The following SYT1 variants were observed in gnomAD, a reference collection of about 807,000 sequenced individuals.
SYT1 encodes the protein synaptotagmin 1, also known as synaptotagmin-1.
Under a neutral mutation model 44.8 loss-of-function variants are expected in SYT1, and 8 were observed. The observed-to-expected ratio is 0.18, with a 90% CI of 0.10 to 0.32. The LOEUF (loss-of-function observed/expected upper bound fraction) is 0.32, where lower values mean the gene tolerates loss of function less well. Among genes scored for constraint, SYT1 ranks in the 10% least tolerant of loss-of-function variants. The probability of loss-of-function intolerance (pLI) is 1.00; values close to 1 mark genes in which losing one functional copy is unlikely to be tolerated. For missense variants in SYT1, 286 were observed against 509.3 expected (o/e 0.56, Z 4.22); for synonymous variants, 154 against 188.8 (o/e 0.82, Z 1.51).
chr12:79,114,723 C>A (rs566650099), intron 3 of SYT1, among the ~76,000 whole-genome samples: 15 of 152,150 alleles, frequency 9.9e-5, no homozygotes, highest in African/African-American at 3.6e-4. Flanking sequence ...TCTGGCCAGG[C>A]CTATATTGAT....
intron 3 of SYT1, among the ~76,000 whole-genome samples, chr12:79,212,750 A>G (rs1874536868): frequency 6.6e-6 from 1 of 152,204 alleles, no homozygotes; most frequent in Admixed American, 6.5e-5. Context: ...AAAATCATAA[A>G]TACTTCTTCA....
At chr12:79,039,705 C>T (rs1392870990) in intron 2 of SYT1, among the ~76,000 whole-genome samples, 2 of 150,214 alleles carry the variant, frequency 1.3e-5, no homozygotes, top group Non-Finnish European at 3.0e-5. Context: ...ATGTGCCATG[C>T]TGGTGCGCTG....
chr12:79,324,443 TCTC>T (rs1366183317), intron 8 of SYT1, among the ~76,000 whole-genome samples: 2 of 152,068 alleles, frequency 1.3e-5, no homozygotes, highest in African/African-American at 4.8e-5. Context: ...CATTCCCTTT[TCTC>T]CTCTTAACAC....
chr12:78,939,094 G>C (rs1181007975), intron 1 of SYT1, among the ~76,000 whole-genome samples: 1 of 152,058 alleles, frequency 6.6e-6, no homozygotes, highest in Non-Finnish European at 1.5e-5. Flanking sequence ...TATTGCCCAA[G>C]TTCCTACTGC....
intron 10 of SYT1, among the ~76,000 whole-genome samples, chr12:79,444,631 T>G (rs1299831746): frequency 6.6e-6 from 1 of 152,160 alleles, no homozygotes; most frequent in African/African-American, 2.4e-5. Context: ...TGCAGCATAT[T>G]GAGTCTTTAT....
intron 8 of SYT1, among the ~76,000 whole-genome samples, chr12:79,313,567 G>A (rs60739159): frequency 0.02 from 2,872 of 146,472 alleles, 85 homozygotes; most frequent in African/African-American, 0.068. Context: ...GGGTATTTCC[G>A]TAAGCATAGT....
intron 2 of SYT1, among the ~76,000 whole-genome samples, chr12:78,990,100 A>G (rs761954128): frequency 6.6e-6 from 1 of 152,134 alleles, no homozygotes; most frequent in Non-Finnish European, 1.5e-5. Context: ...GGGTTTTTGT[A>G]CCACAATTGA....
intron 1 of SYT1, among the ~76,000 whole-genome samples, chr12:78,901,632 G>T (rs1274130335): frequency 6.6e-6 from 1 of 152,116 alleles, no homozygotes; most frequent in Non-Finnish European, 1.5e-5. Context: ...AATTTGAAGA[G>T]ATAATTTGCT....
intron 3 of SYT1, among the ~76,000 whole-genome samples, chr12:79,105,198 T>C (rs569964615): frequency 5.3e-5 from 8 of 152,310 alleles, no homozygotes; most frequent in Admixed American, 2.0e-4. Flanking sequence ...TTGACCACAT[T>C]ATCTATTTTT....
chr12:79,020,730 A>G (rs1413171117), intron 2 of SYT1, among the ~76,000 whole-genome samples: 1 of 151,896 alleles, frequency 6.6e-6, no homozygotes, highest in African/African-American at 2.4e-5. Flanking sequence ...CTCTGGAAAG[A>G]AAGCACTTTG....
At chr12:79,212,075 G>T (rs1268189771) in intron 3 of SYT1, among the ~76,000 whole-genome samples, 1 of 152,068 alleles carries the variant, frequency 6.6e-6, no homozygotes, top group Non-Finnish European at 1.5e-5. Flanking sequence ...AATTGTTTGT[G>T]CTGCTATTTA....
At chr12:79,266,226 A>C (rs1049277330) in intron 4 of SYT1, among the ~76,000 whole-genome samples, 3 of 152,214 alleles carry the variant, frequency 2.0e-5, no homozygotes, top group Admixed American at 2.0e-4. Flanking sequence ...CTCTTCAGGT[A>C]GCCTCCCCCA....
At chr12:78,999,437 C>G (rs1870589809) in intron 2 of SYT1, among the ~76,000 whole-genome samples, 1 of 152,088 alleles carries the variant, frequency 6.6e-6, no homozygotes, top group Non-Finnish European at 1.5e-5. Flanking sequence ...TGACCAAAAC[C>G]AGGATAACCA....
At chr12:79,050,262 A>T (rs2137784549) in intron 3 of SYT1, among the ~76,000 whole-genome samples, 1 of 152,188 alleles carries the variant, frequency 6.6e-6, no homozygotes, top group East Asian at 1.9e-4. Context: ...GTGGAAGTGG[A>T]TCATCATAAA....
At chr12:78,940,673 A>G (rs569417553) in intron 1 of SYT1, among the ~76,000 whole-genome samples, 5 of 152,108 alleles carry the variant, frequency 3.3e-5, no homozygotes, top group Admixed American at 1.3e-4. Context: ...CCAGCATGAA[A>G]CACTGCACCT....
chr12:79,410,488 C>T (rs1352127800), intron 9 of SYT1, among the ~76,000 whole-genome samples: 1 of 118,812 alleles, frequency 8.4e-6, no homozygotes, highest in South Asian at 3.2e-4. Flanking sequence ...AAAACCATGG[C>T]TTCAGGCTGT....
chr12:79,028,415 A>G (rs1235091130), intron 2 of SYT1, among the ~76,000 whole-genome samples: 1 of 151,486 alleles, frequency 6.6e-6, no homozygotes, highest in Non-Finnish European at 1.5e-5. Context: ...ATAAAGGAAT[A>G]TTGATAGAGC....
At chr12:79,377,538 A>G (rs573417070) in intron 9 of SYT1, among the ~76,000 whole-genome samples, 2 of 152,336 alleles carry the variant, frequency 1.3e-5, no homozygotes, top group South Asian at 4.1e-4. Flanking sequence ...TCTCAGGGCT[A>G]TTTAAATTAT....
chr12:79,111,174 G>A (rs1397353446), intron 3 of SYT1, among the ~76,000 whole-genome samples: 7 of 152,066 alleles, frequency 4.6e-5, no homozygotes, highest in East Asian at 3.8e-4. Flanking sequence ...GTGATCTAGC[G>A]CAGTATTTGT....
Sources: allele counts gnomAD v4.1 joint callset (sites outside exome capture counted in the v4.1 genomes callset), GRCh38; gene constraint gnomAD v4.1.1; transcripts MANE v1.5; gene names NCBI Gene and HGNC (gene_info 2026-07-23, HGNC 2026-07-21).